The following USP13 variants were observed in gnomAD, a reference collection of about 807,000 sequenced individuals.
USP13 encodes ubiquitin carboxyl-terminal hydrolase 13.
In USP13, 68 loss-of-function variants were observed where a neutral mutation model predicts 107.8. The observed-to-expected ratio is 0.63, with a 90% CI of 0.52 to 0.77. The LOEUF (loss-of-function observed/expected upper bound fraction) is 0.77, where lower values mean the gene tolerates loss of function less well. Among genes scored for constraint, USP13 ranks in the 30% least tolerant of loss-of-function variants. The probability of loss-of-function intolerance (pLI) is 0.00; values close to 1 mark genes in which losing one functional copy is unlikely to be tolerated. For missense variants in USP13, 945 were observed against 1,093.3 expected, an observed-to-expected ratio of 0.86 and a Z score of 1.91; for synonymous variants, 377 against 389.5, an observed-to-expected ratio of 0.97 and a Z score of 0.38.
At position 179,681,892 on chromosome 3, in the gene USP13, A is replaced by T. The variant is rs769630910; in HGVS notation, c.183A>T (p.Gly61=). The change falls in exon 2 of 21, where the codon GGA becomes GGT. Residue 61 remains glycine, a synonymous_variant. Coordinates refer to ENST00000263966, the MANE Select transcript of USP13 (RefSeq NM_003940.3). ...CTTTCTTCTAGAATTCTGAAGGTGG[A>T]CTCTATGTATGCATGAATACATTTT... The part of the protein sequence containing the change: ...FSYDSPNSEG[G]LYVCMNTFLA... 2 of 1,612,142 alleles carry T rather than the reference A, an allele frequency of 1.2e-6. No individual in the cohort carries two copies. The highest frequency in any genetic ancestry group is 1.7e-6 in the Non-Finnish European group (2 of 1,179,158).
chr3:179,679,895 A>G (rs1711588605), intron 1 of USP13, among the ~76,000 whole-genome samples: 2 of 148,928 alleles, frequency 1.3e-5, no homozygotes, highest in African/African-American at 2.5e-5. Context: ...TATACATAAG[A>G]TGGGCATGGT....
chr3:179,678,505 T>C lies in USP13; in HGVS notation c.169-3373T>C, dbSNP rs769124927. ...TTTTTTTTTTTGAGACAGGGTCTCT[T>C]TCTGTCACCCAGGCTGGATGGCACA... On this transcript the variant is annotated intron_variant, in intron 1 of 20. Coordinates refer to ENST00000263966, the MANE Select transcript of USP13 (RefSeq NM_003940.3). This position sits in a 1 kb window ranked among gnomAD's most constrained non-coding sequence, Gnocchi z 4.2. Among the ~76,000 whole-genome samples, 9 of 152,018 alleles carry C rather than the reference T, an allele frequency of 5.9e-5. No homozygotes were observed. The highest frequency in any genetic ancestry group is 1.0e-4 in the Non-Finnish European group (7 of 68,008).
chr3:179,735,772 C>T (rs563437246), intron 10 of USP13, among the ~76,000 whole-genome samples: 183 of 152,244 alleles, frequency 1.2e-3, no homozygotes, highest in Non-Finnish European at 1.5e-3. Context: ...GTGGCTCACA[C>T]GTGTAATCCC....
intron 5 of USP13, among the ~76,000 whole-genome samples, chr3:179,707,984 A>T (rs530709565): frequency 6.6e-6 from 1 of 152,370 alleles, no homozygotes; most frequent in African/African-American, 2.4e-5. Context: ...GTTGACGTTT[A>T]GCATTTAGTC....
Position 179,701,006 on chromosome 3 carries a change from A to G in USP13, c.356-2A>G. 6.2e-7 allele frequency: 1 copy of G among 1,611,520 alleles called. No homozygotes were observed. Among genetic ancestry groups the G allele is most frequent in the Non-Finnish European group, 8.5e-7 (1 of 1,179,338 alleles). ...TGTTCTTTGTTTTTGTTTTCTCCTCAGATCTAGATACTGATGACGATTTAA... is the reference window on the plus strand; with the variant it reads ...TGTTCTTTGTTTTTGTTTTCTCCTCGGATCTAGATACTGATGACGATTTAA... On this transcript the variant is annotated splice_acceptor_variant, in intron 3 of 20. Coordinates refer to ENST00000263966, the MANE Select transcript of USP13 (RefSeq NM_003940.3). LOFTEE classifies it high-confidence loss of function.
At chr3:179,683,249 C>T (rs1289289018) in intron 2 of USP13, among the ~76,000 whole-genome samples, 2 of 146,626 alleles carry the variant, frequency 1.4e-5, no homozygotes, top group Non-Finnish European at 3.0e-5. Context: ...TGTCGTTTTA[C>T]TTTGTTTATG....
Position 179,742,506 on chromosome 3 carries a change from C to T in USP13, c.1534+156C>T, listed in dbSNP as rs1253145845. ...TCTCTTTTCATCTCTTTGTTAGTTC[C>T]CATGTGACTTTTCCTTTGAGAAGAA... On this transcript the variant is annotated intron_variant, in intron 12 of 20. Transcript: ENST00000263966. This position sits in a 1 kb window ranked among gnomAD's most constrained non-coding sequence, Gnocchi z 5.0. 3.3e-5 allele frequency among the ~76,000 whole-genome samples: 5 copies of T among 152,184 alleles called. No individual in the cohort carries two copies. Among genetic ancestry groups the T allele is most frequent in the Admixed American group, 3.3e-4 (5 of 15,274 alleles).
At chr3:179,770,359 T>A (rs1248724873) in intron 19 of USP13, among the ~76,000 whole-genome samples, 1 of 152,238 alleles carries the variant, frequency 6.6e-6, no homozygotes, top group African/African-American at 2.4e-5. Context: ...TAGTTATATC[T>A]CGAAATTACA....
chr3:179,720,034 G>A lies in USP13; in HGVS notation c.900G>A (p.Gly300=). 1 of 1,613,044 alleles carries A rather than the reference G, an allele frequency of 6.2e-7. No individual in the cohort carries two copies. The highest frequency in any genetic ancestry group is 8.5e-7 in the Non-Finnish European group (1 of 1,179,392). Residue 300 remains glycine, a splice_region_variant and synonymous_variant, in exon 7 of 21, where the codon GGG becomes GGA. Coordinates refer to ENST00000263966, the MANE Select transcript of USP13 (RefSeq NM_003940.3). ...HFGIDMLHMH[G]TENGLQDNDI... is the part of the protein sequence containing the mutation. ...GAATTGATATGCTTCATATGCATGG[G>A]GTGAGGTCTCCTTTTGTTTCTGTTT...
intron 6 of USP13, among the ~76,000 whole-genome samples, chr3:179,713,746 G>GA (rs774595095): frequency 1.5e-4 from 23 of 152,134 alleles, no homozygotes; most frequent in Non-Finnish European, 2.9e-4. Flanking sequence ...ATATTTAGAA[G>GA]ATTGCTTAGT....
At chr3:179,663,201 T>C (rs1337250143) in intron 1 of USP13, among the ~76,000 whole-genome samples, 1 of 152,238 alleles carries the variant, frequency 6.6e-6, no homozygotes, top group Non-Finnish European at 1.5e-5. Flanking sequence ...TCTCTAAGAT[T>C]TGGCCACTCT....
intron 1 of USP13, among the ~76,000 whole-genome samples, chr3:179,679,457 T>A (rs1711574224): frequency 6.6e-6 from 1 of 152,124 alleles, no homozygotes; most frequent in Non-Finnish European, 1.5e-5. Flanking sequence ...AAAGTTAGTT[T>A]TACATTATTT....
At position 179,740,372 on chromosome 3, in the gene USP13, G is replaced by A; in HGVS notation, c.1380G>A (p.Glu460=). The A allele has an allele frequency of 6.2e-7, 1 of 1,613,996 alleles. No homozygotes were observed. The highest frequency in any genetic ancestry group is 8.5e-7 in the Non-Finnish European group (1 of 1,179,938). ...TCTTGCACCTGGTGAATCTAGTAGA[G>A]GTGAGTAGTCAGTCTTCACGGATGC... is the stretch of plus-strand genomic sequence containing the variant. The part of the protein sequence containing the change: ...EFFLHLVNLV[E]RNRIGSENPS... Residue 460 remains glutamate, a splice_region_variant and synonymous_variant, in exon 11 of 21, where the codon GAG becomes GAA. Transcript: ENST00000263966.
chr3:179,771,477 A>T (rs932791746), intron 19 of USP13, among the ~76,000 whole-genome samples: 71 of 152,268 alleles, frequency 4.7e-4, no homozygotes, highest in Non-Finnish European at 8.8e-4. Context: ...GGACTAATAG[A>T]ATCACCTGAG....
At chr3:179,655,548 G>GTT (rs150977876) in intron 1 of USP13, among the ~76,000 whole-genome samples, 20 of 131,386 alleles carry the variant, frequency 1.5e-4, no homozygotes, top group African/African-American at 5.0e-4. Context: ...TAATGGGAAG[G>GTT]TTTTTTTTGT....
At chr3:179,749,794 C>T (rs1439608062) in intron 13 of USP13, among the ~76,000 whole-genome samples, 1 of 152,150 alleles carries the variant, frequency 6.6e-6, no homozygotes, top group African/African-American at 2.4e-5. Flanking sequence ...GGTATTACAG[C>T]TAACACTCCG....
chr3:179,701,852 T>C (rs998485273), intron 4 of USP13, among the ~76,000 whole-genome samples: 1 of 152,166 alleles, frequency 6.6e-6, no homozygotes, highest in East Asian at 1.9e-4. Context: ...CTGCTGGTAG[T>C]GATAGAGGGA....
At chr3:179,712,318 A>T (rs1712960032) in intron 6 of USP13, among the ~76,000 whole-genome samples, 1 of 152,156 alleles carries the variant, frequency 6.6e-6, no homozygotes, top group African/African-American at 2.4e-5. Flanking sequence ...CAACAAACAG[A>T]TATTCAGTGT....
At chr3:179,661,806 T>A (rs1400794552) in intron 1 of USP13, among the ~76,000 whole-genome samples, 1 of 152,160 alleles carries the variant, frequency 6.6e-6, no homozygotes, top group African/African-American at 2.4e-5. Flanking sequence ...GGTGGCAAGA[T>A]TCTGATACTG....
Sources: gnomAD v4.1 joint callset for allele counts (sites outside exome capture counted in the v4.1 genomes callset) on GRCh38, gnomAD v4.1.1 for gene constraint, Gnocchi (gnomAD v3.1) non-coding constraint, MANE v1.5 for transcripts, NCBI Gene and HGNC (gene_info 2026-07-23, HGNC 2026-07-21) for gene names.